UNC13C: variants seen among roughly 807,000 people sequenced by gnomAD.
UNC13C encodes the protein unc-13 homolog C.
UNC13C carries 174 observed loss-of-function variants against 245.4 expected under a neutral mutation model. The ratio of observed to expected loss-of-function variants is 0.71; its 90% CI spans 0.63 to 0.80. The LOEUF (loss-of-function observed/expected upper bound fraction) is 0.80. UNC13C is among the 30% of genes least tolerant of loss of function. The pLI, the probability that UNC13C is intolerant of heterozygous loss-of-function variation, is 0.00. For synonymous variants in UNC13C, 992 were observed against 895.1 expected, an observed-to-expected ratio of 1.11 and a Z score of -1.93; for missense variants, 2,829 against 2,602.9, an observed-to-expected ratio of 1.09 and a Z score of -1.89.
intron 18 of UNC13C, among the ~76,000 whole-genome samples, chr15:54,408,867 G>A (rs535300335): frequency 1.6e-4 from 24 of 152,238 alleles, no homozygotes; most frequent in African/African-American, 4.8e-4. Context: ...AATACTGCCT[G>A]AGAGACATCT....
intron 30 of UNC13C, among the ~76,000 whole-genome samples, chr15:54,613,103 T>C (rs115318633): frequency 0.012 from 1,758 of 151,928 alleles, 33 homozygotes; most frequent in African/African-American, 0.04. Context: ...ATAGAAAGCA[T>C]AAATAGATCT....
chr15:54,420,647 A>G (rs2040621847), intron 19 of UNC13C, among the ~76,000 whole-genome samples: 1 of 151,964 alleles, frequency 6.6e-6, no homozygotes, highest in African/African-American at 2.4e-5. Context: ...TTTGTTTGTG[A>G]TGATTTTAAA....
the UNC13C span, among the ~76,000 whole-genome samples, chr15:53,876,972 GACTATGGAAT>G: frequency 1.6e-4 from 25 of 152,106 alleles, no homozygotes; most frequent in Non-Finnish European, 3.7e-4. Flanking sequence ...CTGTATGTCT[GACTATGGAAT>G]ATTCTTCAGA....
chr15:54,561,040 C>T (rs1379504540), intron 29 of UNC13C, among the ~76,000 whole-genome samples: 1 of 152,106 alleles, frequency 6.6e-6, no homozygotes, highest in African/African-American at 2.4e-5. Flanking sequence ...CCAATAAACC[C>T]TTAATTCCCT....
At chr15:54,496,044 G>T (rs958934071) in intron 20 of UNC13C, among the ~76,000 whole-genome samples, 17 of 151,942 alleles carry the variant, frequency 1.1e-4, no homozygotes, top group Non-Finnish European at 2.2e-4. Flanking sequence ...ACTCTGAAAA[G>T]TTGCTAAGAG....
the UNC13C span, among the ~76,000 whole-genome samples, chr15:53,864,388 A>G: frequency 6.6e-6 from 1 of 152,148 alleles, no homozygotes; most frequent in African/African-American, 2.4e-5. Context: ...ATCAACCAAT[A>G]CTTTTTCCTC....
intron 2 of UNC13C, among the ~76,000 whole-genome samples, chr15:54,137,092 C>T (rs2031776332): frequency 6.6e-6 from 1 of 152,200 alleles, no homozygotes; most frequent in South Asian, 2.1e-4. Flanking sequence ...GATCTGCCCA[C>T]TTGGGCCTGC....
At chr15:54,311,531 T>A (rs564333773) in intron 13 of UNC13C, among the ~76,000 whole-genome samples, 70 of 151,802 alleles carry the variant, frequency 4.6e-4, no homozygotes, top group Non-Finnish European at 8.9e-4. Context: ...AAATGCTTGG[T>A]TTTTCTTATT....
At chr15:54,231,608 C>G (rs2035555332) in intron 4 of UNC13C, among the ~76,000 whole-genome samples, 2 of 151,998 alleles carry the variant, frequency 1.3e-5, no homozygotes, top group South Asian at 4.1e-4. Flanking sequence ...ATAATAAGCA[C>G]TCTGTAAATG....
intron 4 of UNC13C, among the ~76,000 whole-genome samples, chr15:54,174,691 A>G (rs2033546387): frequency 6.6e-6 from 1 of 152,204 alleles, no homozygotes; most frequent in Admixed American, 6.5e-5. Flanking sequence ...CCTGGACCAT[A>G]TAATAACTCC....
chr15:54,054,146 G>T (rs1272811678), intron 2 of UNC13C, among the ~76,000 whole-genome samples: 1 of 152,130 alleles, frequency 6.6e-6, no homozygotes, highest in African/African-American at 2.4e-5. Context: ...TACCTAGCAG[G>T]GGGATTGCTG....
intron 2 of UNC13C, among the ~76,000 whole-genome samples, chr15:54,018,596 C>T (rs1895763782): frequency 6.6e-6 from 1 of 152,190 alleles, no homozygotes; most frequent in South Asian, 2.1e-4. Flanking sequence ...TTGCTGGCCC[C>T]TGCTGAGTTG....
the UNC13C span, among the ~76,000 whole-genome samples, chr15:53,918,245 T>G: frequency 1.3e-5 from 2 of 152,066 alleles, no homozygotes; most frequent in African/African-American, 4.8e-5. Flanking sequence ...CTTCAGCCCC[T>G]GAGTGTGCTG....
chr15:54,510,951 G>A (rs1894710960), intron 23 of UNC13C, among the ~76,000 whole-genome samples: 1 of 152,052 alleles, frequency 6.6e-6, no homozygotes, highest in Non-Finnish European at 1.5e-5. Context: ...CTGTCACAAA[G>A]CTTTACATCT....
intron 19 of UNC13C, chr15:54,416,805 A>T: frequency 2.3e-6 from 1 of 429,418 alleles, no homozygotes; most frequent in Admixed American, 2.5e-5. Flanking sequence ...TGTTCCCTAT[A>T]GCAGTTATTG....
intron 14 of UNC13C, among the ~76,000 whole-genome samples, chr15:54,329,152 G>T (rs978689577): frequency 1.7e-4 from 21 of 121,880 alleles, no homozygotes; most frequent in African/African-American, 5.6e-4. Flanking sequence ...ATTTCTAATT[G>T]GATACGTAAT....
At chr15:54,492,403 T>C (rs1174880622) in intron 19 of UNC13C, among the ~76,000 whole-genome samples, 1 of 152,188 alleles carries the variant, frequency 6.6e-6, no homozygotes, top group African/African-American at 2.4e-5. Context: ...ACCTCATGTA[T>C]CTAGATTTTA....
chr15:54,082,503 C>T (rs191244818), intron 2 of UNC13C, among the ~76,000 whole-genome samples: 2 of 152,058 alleles, frequency 1.3e-5, no homozygotes, highest in Non-Finnish European at 2.9e-5. Context: ...GCTTTGTGTT[C>T]ATTTCAACTT....
intron 4 of UNC13C, among the ~76,000 whole-genome samples, chr15:54,179,211 G>C (rs1471041962): frequency 1.3e-5 from 2 of 152,042 alleles, no homozygotes; most frequent in African/African-American, 4.8e-5. Context: ...GATCCTTTAT[G>C]TTTCCTTAAT....
Sources: allele counts gnomAD v4.1 joint callset (sites outside exome capture counted in the v4.1 genomes callset), GRCh38; gene constraint gnomAD v4.1.1; transcripts MANE v1.5; gene names NCBI Gene and HGNC (gene_info 2026-07-23, HGNC 2026-07-21).